MGST1: variants seen among roughly 807,000 people sequenced by gnomAD.
MGST1 encodes the protein glutathione S-transferase 12.
A neutral mutation model predicts 8.9 loss-of-function variants in MGST1; 5 were observed. The observed-to-expected ratio is 0.56, with a 90% CI of 0.29 to 1.19. The LOEUF is 1.19. Ranked by LOEUF, MGST1 falls within the 50% of genes most tolerant of loss-of-function variation. The pLI is 0.08. For missense variants in MGST1, 182 were observed against 187.4 expected, an observed-to-expected ratio of 0.97 and a Z score of 0.17; for synonymous variants, 54 against 67.8, an observed-to-expected ratio of 0.80 and a Z score of 1.00.
chr12:16,566,040 A>ATATATATATATATAT (rs1942598708), intron 4 of MGST1, among the ~76,000 whole-genome samples: 4 of 106,806 alleles, frequency 3.7e-5, no homozygotes, highest in Admixed American at 1.1e-4. Context: ...ATATATATAT[A>ATATATATATATATAT]AAATGGAGTA....
downstream of MGST1, among the ~76,000 whole-genome samples, chr12:16,365,001 G>A (rs1940158405): frequency 6.6e-6 from 1 of 152,048 alleles, no homozygotes; most frequent in Non-Finnish European, 1.5e-5. Context: ...AGTTTTGGTG[G>A]TGTGTCCTTC....
chr12:16,349,890 A>G (rs1192681365), intron 1 of MGST1, among the ~76,000 whole-genome samples: 1 of 151,888 alleles, frequency 6.6e-6, no homozygotes, highest in East Asian at 1.9e-4. Flanking sequence ...GACTACAGGC[A>G]CCTGCCACCA....
At position 16,589,342 on chromosome 12, in the gene MGST1, T is replaced by G. The variant is rs1478270146; in HGVS notation, n.483-186T>G. On this transcript the variant is annotated intron_variant and non_coding_transcript_variant, in intron 4 of 4. Transcript: ENST00000538857. The surrounding 1 kb of genome is among the most constrained non-coding windows in gnomAD (Gnocchi z 4.2). Reference sequence around the variant, plus strand: ...TAGTAGAATAATGAGAAACACATGATGAGACATTTAAAATATACTGTACAT... The same window carrying G: ...TAGTAGAATAATGAGAAACACATGAGGAGACATTTAAAATATACTGTACAT... 6.6e-6 allele frequency among the ~76,000 whole-genome samples: 1 copy of G among 152,120 alleles called. No individual in the cohort carries two copies. The highest frequency in any genetic ancestry group is 1.5e-5 in the Non-Finnish European group (1 of 68,002).
At chr12:16,583,672 A>T (rs562072378) in intron 4 of MGST1, among the ~76,000 whole-genome samples, 2 of 152,322 alleles carry the variant, frequency 1.3e-5, no homozygotes, top group East Asian at 3.9e-4. Context: ...TCTGTATGTT[A>T]TTTGCTTGTT....
At chr12:16,357,246 T>C (rs775141694) in intron 2 of MGST1, among the ~76,000 whole-genome samples, 28 of 152,108 alleles carry the variant, frequency 1.8e-4, no homozygotes, top group Non-Finnish European at 4.0e-4. Flanking sequence ...TATCCCCATG[T>C]TATTTCTTGG....
rs114349741 is a variant in MGST1, at chr12:16,401,890, C to A, written n.778+18286C>A. The A allele has an allele frequency of 8.0e-4, 1,278 of 1,604,100 alleles. 9 individuals carry two copies. The African/African-American group carries it at 0.016, about 20-fold the overall frequency. On this transcript the variant is annotated intron_variant and non_coding_transcript_variant, in intron 1 of 1. Transcript: ENST00000359720. The surrounding 1 kb of genome is among the most constrained non-coding windows in gnomAD (Gnocchi z 4.3). ...GCTTTCTTCATTAATTTGAGCTCCC[C>A]ATCCTCCCTTACAGCGACTGTATAT... is the stretch of plus-strand genomic sequence containing the variant.
rs1324876582 is a variant in MGST1, at chr12:16,547,333, A to C, written n.483-42195A>C. Among the ~76,000 whole-genome samples, 1 of 152,160 alleles carries C rather than the reference A, an allele frequency of 6.6e-6. No individual in the cohort carries two copies. The highest frequency in any genetic ancestry group is 2.4e-5 in the African/African-American group (1 of 41,436). On this transcript the variant is annotated intron_variant and non_coding_transcript_variant, in intron 4 of 4. Coordinates refer to the MGST1 transcript ENST00000538857. The surrounding 1 kb of genome is among the most constrained non-coding windows in gnomAD (Gnocchi z 4.6). ...TTGTAATCATAGCAATCTGAGGGTG[A>C]CTCATTAATTAATTGATGTTCTTTT... is the stretch of plus-strand genomic sequence containing the variant.
At chr12:16,422,731 G>T (rs1026044484) in intron 1 of MGST1, among the ~76,000 whole-genome samples, 1 of 152,102 alleles carries the variant, frequency 6.6e-6, no homozygotes, top group East Asian at 1.9e-4. Context: ...CTGGATACAA[G>T]ATCAGAGTTT....
At chr12:16,588,071 A>G (rs1043993787) in intron 4 of MGST1, among the ~76,000 whole-genome samples, 13 of 152,120 alleles carry the variant, frequency 8.5e-5, no homozygotes, top group African/African-American at 2.9e-4. Context: ...TTATCAAACA[A>G]CTTTCAATTA....
intron 1 of MGST1, among the ~76,000 whole-genome samples, chr12:16,417,884 A>AGCAAGTATTTAAAGTATCAAG (rs1284768115): frequency 5.3e-5 from 8 of 152,212 alleles, no homozygotes; most frequent in African/African-American, 1.2e-4. Flanking sequence ...AAAGCAGTAA[A>AGCAAGTATTTAAAGTATCAAG]GCAAGTATTT....
intron 4 of MGST1, among the ~76,000 whole-genome samples, chr12:16,459,838 A>G (rs1014672524): frequency 8.5e-5 from 13 of 152,088 alleles, no homozygotes; most frequent in African/African-American, 3.1e-4. Flanking sequence ...CCTGGATTGC[A>G]TGTCTCTCCT....
chr12:16,434,774 CT>C lies in MGST1; in HGVS notation n.779-2612del, dbSNP rs1381368193. ...CCAGCATGCTTGACTTCTAAGAACT[CT>C]TAGAGTAAAACGATTTGACAGAATG... On this transcript the variant is annotated intron_variant and non_coding_transcript_variant, in intron 1 of 1. Transcript: ENST00000359720. Among the ~76,000 whole-genome samples, 4 of 152,036 alleles carry C rather than the reference CT, an allele frequency of 2.6e-5. No individual in the cohort carries two copies. The East Asian group carries it at 7.8e-4, about 29-fold the overall frequency.
At chr12:16,393,596 T>G (rs1940572135) in intron 1 of MGST1, among the ~76,000 whole-genome samples, 1 of 152,212 alleles carries the variant, frequency 6.6e-6, no homozygotes, top group South Asian at 2.1e-4. Context: ...TGGATGTAAT[T>G]AAAACGGTTA....
intron 4 of MGST1, among the ~76,000 whole-genome samples, chr12:16,515,667 A>G (rs1410283511): frequency 1.3e-5 from 2 of 151,990 alleles, no homozygotes; most frequent in Non-Finnish European, 2.9e-5. Flanking sequence ...AGAATAAAGA[A>G]TGTAATTTTC....
At chr12:16,515,124 C>A (rs146938301) in intron 4 of MGST1, among the ~76,000 whole-genome samples, 2 of 152,244 alleles carry the variant, frequency 1.3e-5, no homozygotes, top group East Asian at 3.9e-4. Flanking sequence ...ATGGAGCAAC[C>A]TTATCAACAG....
At chr12:16,402,231 G>A in intron 1 of MGST1, 1 of 1,586,536 alleles carries the variant, frequency 6.3e-7, no homozygotes, top group Non-Finnish European at 8.7e-7. Flanking sequence ...GACCATGGTA[G>A]TATCAGTTAG....
rs189374310 is a variant in MGST1 at position 16,498,152 on chromosome 12, C to T, written n.483-91376C>T. Among the ~76,000 whole-genome samples, 464 of 152,206 alleles carry T rather than the reference C, an allele frequency of 3.0e-3. 3 individuals carry two copies. The highest frequency in any genetic ancestry group is 0.011 in the African/African-American group (453 of 41,546). ...AAAAGGAAACACTACTTCGAGTGTA[C>T]TTTTGAGTTATCATTATTTCACTCA... On this transcript the variant is annotated intron_variant and non_coding_transcript_variant, in intron 4 of 4. Coordinates refer to the MGST1 transcript ENST00000538857.
chr12:16,593,101 C>T (rs1943544916), downstream of MGST1, among the ~76,000 whole-genome samples: 1 of 151,676 alleles, frequency 6.6e-6, no homozygotes, highest in Non-Finnish European at 1.5e-5. This position sits in a 1 kb window ranked among gnomAD's most constrained non-coding sequence, Gnocchi z 4.2. Context: ...TCCATGCCTG[C>T]TTACTAGTCC....
At position 16,413,304 on chromosome 12, in the gene MGST1, G is replaced by A. The variant is rs1018985846; in HGVS notation, n.779-24084G>A. ...AGCCATGCTAGCCACTGCTCAGGTA[G>A]CTGTCAAGGGAGAGTCTTACAGACA... On this transcript the variant is annotated intron_variant and non_coding_transcript_variant, in intron 1 of 1. Transcript: ENST00000359720. The surrounding 1 kb of genome is among the most constrained non-coding windows in gnomAD (Gnocchi z 4.0). Among the ~76,000 whole-genome samples the A allele has an allele frequency of 6.6e-6, 1 of 152,166 alleles. No individual in the cohort carries two copies. Among genetic ancestry groups the A allele is most frequent in the Non-Finnish European group, 1.5e-5 (1 of 68,032 alleles).
Sources: gnomAD v4.1 joint callset for allele counts (sites outside exome capture counted in the v4.1 genomes callset) on GRCh38, gnomAD v4.1.1 for gene constraint, Gnocchi (gnomAD v3.1) non-coding constraint, MANE v1.5 for transcripts, NCBI Gene and HGNC (gene_info 2026-07-23, HGNC 2026-07-21) for gene names.